Variants in PLEKHA5 observed in about 807,000 individuals in gnomAD.
The protein encoded by PLEKHA5 is pleckstrin homology domain-containing family A member 5.
A neutral mutation model predicts 181.9 loss-of-function variants in PLEKHA5; 55 were observed. That is an observed-to-expected ratio of 0.30 (90% confidence interval 0.24 to 0.38). PLEKHA5 has a LOEUF of 0.38. Among genes scored for constraint, PLEKHA5 ranks in the 10% least tolerant of loss-of-function variants. The pLI is 1.00. For missense variants in PLEKHA5, 1,432 were observed against 1,549.5 expected (o/e 0.92, Z 1.27); for synonymous variants, 535 against 529.4 (o/e 1.01, Z -0.15).
intron 30 of PLEKHA5, among the ~76,000 whole-genome samples, chr12:19,369,376 A>T (rs917282193): frequency 4.6e-5 from 7 of 151,870 alleles, no homozygotes; most frequent in Non-Finnish European, 1.0e-4. Context: ...GAAATATTTT[A>T]TACTGAATAA....
chr12:19,156,223 T>TC (rs1051726593), intron 3 of PLEKHA5, among the ~76,000 whole-genome samples: 10 of 151,122 alleles, frequency 6.6e-5, no homozygotes, highest in Admixed American at 4.6e-4. Context: ...TGTTTTTTTT[T>TC]TTCTCCTCAG....
intron 11 of PLEKHA5, among the ~76,000 whole-genome samples, chr12:19,281,577 C>CAA (rs200506544): frequency 1.5e-4 from 20 of 137,926 alleles, no homozygotes; most frequent in African/African-American, 4.5e-4. Context: ...ACACTATCTC[C>CAA]AAAAAAAAAA....
intron 20 of PLEKHA5, among the ~76,000 whole-genome samples, chr12:19,326,386 T>A (rs1180525009): frequency 3.3e-5 from 5 of 152,188 alleles, no homozygotes; most frequent in African/African-American, 1.2e-4. Context: ...TTTCACTGAA[T>A]CTTTCACAGT....
intron 6 of PLEKHA5, among the ~76,000 whole-genome samples, chr12:19,258,638 C>T (rs564800510): frequency 1.3e-5 from 2 of 148,878 alleles, no homozygotes; most frequent in South Asian, 2.1e-4. Context: ...GATCTCAGCT[C>T]ACCGCAACCT....
At chr12:19,266,720 G>T (rs1012061620) in intron 8 of PLEKHA5, among the ~76,000 whole-genome samples, 2 of 152,030 alleles carry the variant, frequency 1.3e-5, no homozygotes, top group South Asian at 2.1e-4. Context: ...GGAGGCAGAG[G>T]TTGCAGTGAG....
At chr12:19,138,840 T>C (rs1447157748) in intron 3 of PLEKHA5, among the ~76,000 whole-genome samples, 2 of 152,128 alleles carry the variant, frequency 1.3e-5, no homozygotes, top group Non-Finnish European at 2.9e-5. Flanking sequence ...GCTAGGATGA[T>C]GGGAGGTGAG....
chr12:19,306,797 A>G, intron 15 of PLEKHA5: 2 of 849,114 alleles, frequency 2.4e-6, no homozygotes, highest in South Asian at 2.7e-5. Context: ...CAGACTCAGC[A>G]GTTGTCGCAC....
intron 30 of PLEKHA5, among the ~76,000 whole-genome samples, chr12:19,368,986 A>T (rs1473815457): frequency 6.6e-6 from 1 of 151,934 alleles, no homozygotes; most frequent in African/African-American, 2.4e-5. Context: ...ATTAACCTCA[A>T]AGCAGAAAAA....
intron 3 of PLEKHA5, among the ~76,000 whole-genome samples, chr12:19,164,191 G>GTTTTT (rs199683682): frequency 2.0e-4 from 24 of 119,234 alleles, no homozygotes; most frequent in Non-Finnish European, 2.5e-4. Context: ...CTCTCCAGAT[G>GTTTTT]TTTTTGTTTT....
intron 15 of PLEKHA5, among the ~76,000 whole-genome samples, chr12:19,302,064 T>C (rs754092045): frequency 1.3e-5 from 2 of 152,234 alleles, no homozygotes; most frequent in African/African-American, 4.8e-5. Context: ...AGCTTATTGA[T>C]GTAGACACAG....
At chr12:19,139,612 T>G (rs1047168294) in intron 3 of PLEKHA5, among the ~76,000 whole-genome samples, 1 of 152,210 alleles carries the variant, frequency 6.6e-6, no homozygotes, top group Non-Finnish European at 1.5e-5. Context: ...TATAGTTGAA[T>G]TAGTGGGGGA....
chr12:19,288,987 T>C (rs1488317199), intron 13 of PLEKHA5, among the ~76,000 whole-genome samples: 3 of 152,236 alleles, frequency 2.0e-5, no homozygotes, highest in Non-Finnish European at 2.9e-5. Flanking sequence ...AGAGTTTCAG[T>C]ATTCCTTGCG....
At chr12:19,131,518 G>C (rs1214581344) in intron 2 of PLEKHA5, among the ~76,000 whole-genome samples, 1 of 152,080 alleles carries the variant, frequency 6.6e-6, no homozygotes, top group African/African-American at 2.4e-5. Context: ...TATGGATAAT[G>C]ATAGATTTAT....
chr12:19,174,541 A>G (rs1318821195), intron 3 of PLEKHA5, among the ~76,000 whole-genome samples: 6 of 152,130 alleles, frequency 3.9e-5, no homozygotes, highest in Admixed American at 3.3e-4. Context: ...CTCTAAGAAA[A>G]ACATTGCGAG....
At chr12:19,293,023 A>AT (rs767663790) in intron 15 of PLEKHA5, among the ~76,000 whole-genome samples, 1 of 152,122 alleles carries the variant, frequency 6.6e-6, no homozygotes, top group Non-Finnish European at 1.5e-5. Context: ...TTTGTTGGGA[A>AT]TTTTTTGTTA....
intron 15 of PLEKHA5, chr12:19,307,394 T>C (rs704162): frequency 0.94 from 249,397 of 265,274 alleles, 118,451 homozygotes; most frequent in Non-Finnish European, 1. Context: ...ATCGCCTGAA[T>C]CCTGGAGGCG....
chr12:19,303,842 G>C (rs2082315849), intron 15 of PLEKHA5: 1 of 88,760 alleles, frequency 1.1e-5, no homozygotes, highest in Non-Finnish European at 2.4e-5. Flanking sequence ...TTTTTCTTGA[G>C]ACATGATCTG....
At chr12:19,136,455 T>A (rs1377454675) in intron 3 of PLEKHA5, among the ~76,000 whole-genome samples, 1 of 152,250 alleles carries the variant, frequency 6.6e-6, no homozygotes, top group African/African-American at 2.4e-5. Context: ...CGCAAATAAC[T>A]TAGCCCATAA....
intron 3 of PLEKHA5, among the ~76,000 whole-genome samples, chr12:19,136,733 G>A (rs181967643): frequency 2.0e-5 from 3 of 152,230 alleles, no homozygotes; most frequent in Admixed American, 6.5e-5. Context: ...GGGTAAAATA[G>A]TATGCAAATT....
Sources: gnomAD v4.1 joint callset for allele counts (sites outside exome capture counted in the v4.1 genomes callset) on GRCh38, gnomAD v4.1.1 for gene constraint, MANE v1.5 for transcripts, NCBI Gene and HGNC (gene_info 2026-07-23, HGNC 2026-07-21) for gene names.